SLC44A3: variants seen among roughly 807,000 people sequenced by gnomAD.
The protein encoded by SLC44A3 is choline transporter-like protein 3.
A neutral mutation model predicts 75.4 loss-of-function variants in SLC44A3; 74 were observed. The ratio of observed to expected loss-of-function variants is 0.98; its 90% confidence interval spans 0.81 to 1.19. The LOEUF (loss-of-function observed/expected upper bound fraction) is 1.19. Among genes scored for constraint, SLC44A3 ranks in the 50% most tolerant of loss-of-function variants. The pLI is 0.00. For missense variants in SLC44A3, 700 were observed against 778.6 expected (o/e 0.90, Z 1.20); for synonymous variants, 310 against 296.9 (o/e 1.04, Z -0.45).
At position 94,837,699 on chromosome 1, in the gene SLC44A3, C is replaced by A. The variant is rs1383899180; in HGVS notation, c.510-12C>A. 2.6e-6 allele frequency: 4 copies of A among 1,528,908 alleles called. No individual in the cohort carries two copies. The highest frequency in any genetic ancestry group is 1.8e-4 in the Middle Eastern group (1 of 5,714). 94.7% of individuals were successfully genotyped at this position (1,528,908 alleles called of 1,614,324 possible). On this transcript the variant is annotated splice_polypyrimidine_tract_variant and intron_variant, in intron 5 of 14. Transcript: ENST00000271227. ...ATAAACATTTTTGCCATCTTTTTTT[C>A]TCTATTTTTAGCAAGTCATTTCCCT...
intron 14 of SLC44A3, 54 bp from the exon 15 acceptor site, chr1:94,894,759 CTACGT>C: frequency 7.0e-7 from 1 of 1,437,834 alleles, no homozygotes. Context: ...CCCTCGGCCC[CTACGT>C]TATCAACAGT....
At chr1:94,844,330 C>T (rs184692836) in intron 8 of SLC44A3, among the ~76,000 whole-genome samples, 159 of 152,254 alleles carry the variant, frequency 1.0e-3, no homozygotes, top group African/African-American at 3.6e-3. Flanking sequence ...AGGACATCCA[C>T]GGCCTTGTCA....
intron 9 of SLC44A3, among the ~76,000 whole-genome samples, chr1:94,853,345 G>T (rs147440762): frequency 6.6e-6 from 1 of 152,204 alleles, no homozygotes; most frequent in Non-Finnish European, 1.5e-5. Context: ...AAAAGAATTG[G>T]AAAGAGTAAG....
intron 12 of SLC44A3, among the ~76,000 whole-genome samples, chr1:94,877,683 A>T (rs886071283): frequency 1.1e-4 from 16 of 152,238 alleles, no homozygotes; most frequent in African/African-American, 2.9e-4. Context: ...GGGGCGAAAA[A>T]GTTCCCAAAA....
intron 12 of SLC44A3, among the ~76,000 whole-genome samples, chr1:94,884,927 C>T (rs1236315982): frequency 6.6e-6 from 1 of 152,126 alleles, no homozygotes; most frequent in Middle Eastern, 3.2e-3. Flanking sequence ...TCATTTTCTT[C>T]AATAATTACA....
At chr1:94,832,397 T>C (rs550772481) in intron 5 of SLC44A3, among the ~76,000 whole-genome samples, 2 of 152,278 alleles carry the variant, frequency 1.3e-5, no homozygotes, top group South Asian at 2.1e-4. Context: ...AGTATACTTT[T>C]GCATAAAAAG....
chr1:94,872,244 G>A (rs1021155689), intron 12 of SLC44A3, among the ~76,000 whole-genome samples: 2 of 152,186 alleles, frequency 1.3e-5, no homozygotes, highest in South Asian at 4.2e-4. Flanking sequence ...TGGGATTACA[G>A]GCTTGTCCCA....
intron 12 of SLC44A3, among the ~76,000 whole-genome samples, chr1:94,875,676 T>C (rs1338366127): frequency 6.6e-6 from 1 of 152,092 alleles, no homozygotes; most frequent in African/African-American, 2.4e-5. Context: ...AACATTTGCA[T>C]CCTGGGAAGT....
At chr1:94,869,075 G>C (rs1180346436) in intron 12 of SLC44A3, among the ~76,000 whole-genome samples, 3 of 152,254 alleles carry the variant, frequency 2.0e-5, no homozygotes, top group Non-Finnish European at 4.4e-5. Flanking sequence ...TGTACTGAAG[G>C]TTTCATTTGA....
intron 3 of SLC44A3, among the ~76,000 whole-genome samples, chr1:94,826,993 G>GA (rs1242299053): frequency 1.3e-5 from 2 of 152,212 alleles, no homozygotes; most frequent in African/African-American, 4.8e-5. Context: ...GGAGCTGCAG[G>GA]AGGGTTCTCC....
intron 14 of SLC44A3, 110 bp downstream of exon 14, chr1:94,892,627 G>C (rs7528621): frequency 1.9e-6 from 2 of 1,065,358 alleles, no homozygotes; most frequent in African/African-American, 1.6e-5. Context: ...CTTCTAGAGG[G>C]CTCTGAGGCT....
At chr1:94,894,334 A>G (rs2101701755) in intron 14 of SLC44A3, among the ~76,000 whole-genome samples, 1 of 152,256 alleles carries the variant, frequency 6.6e-6, no homozygotes, top group African/African-American at 2.4e-5. Context: ...CTGTCATCTG[A>G]ATGAAATCCC....
chr1:94,823,774 G>A (rs1251510329), intron 2 of SLC44A3, among the ~76,000 whole-genome samples: 1 of 152,114 alleles, frequency 6.6e-6, no homozygotes, highest in Non-Finnish European at 1.5e-5. Flanking sequence ...ATACAGTACT[G>A]GGAAACTTAC....
chr1:94,832,567 T>C (rs1222559522), intron 5 of SLC44A3, among the ~76,000 whole-genome samples: 1 of 152,238 alleles, frequency 6.6e-6, no homozygotes, highest in Non-Finnish European at 1.5e-5. Context: ...GACTAGTTTT[T>C]TCTGCCCCTG....
At chr1:94,892,540 A>G (rs859063) in intron 14 of SLC44A3, 23 bp downstream of exon 14, 924,056 of 1,605,116 alleles carry the variant, frequency 0.58, 270,378 homozygotes, top group Non-Finnish European at 0.6. Context: ...TTCATTTCCA[A>G]TTGCAATCTC....
intron 10 of SLC44A3, among the ~76,000 whole-genome samples, chr1:94,858,237 G>C (rs17520084): frequency 0.2 from 30,878 of 152,074 alleles, 3,373 homozygotes; most frequent in Middle Eastern, 0.27. Flanking sequence ...GTGAGCCTCA[G>C]TTTGTCCTCT....
chr1:94,888,517 C>A, intron 12 of SLC44A3: 2 of 214,896 alleles, frequency 9.3e-6, no homozygotes, highest in Non-Finnish European at 1.6e-5. Context: ...TTTCCACATC[C>A]CTGCACAAGA....
chr1:94,867,442 G>A, intron 12 of SLC44A3, 25 bp downstream of exon 12: 2 of 1,580,358 alleles, frequency 1.3e-6, no homozygotes, highest in Middle Eastern at 1.7e-4. Flanking sequence ...CTTGCCTCAG[G>A]AACACACAGA....
chr1:94,892,799 A>G (rs1352295314), intron 14 of SLC44A3, among the ~76,000 whole-genome samples: 1 of 152,228 alleles, frequency 6.6e-6, no homozygotes, highest in African/African-American at 2.4e-5. Flanking sequence ...TGGGCAGAAG[A>G]TGTCCTGAAC....
Sources: allele counts gnomAD v4.1 joint callset (sites outside exome capture counted in the v4.1 genomes callset), GRCh38; gene constraint gnomAD v4.1.1; transcripts MANE v1.5; gene names NCBI Gene and HGNC (gene_info 2026-07-23, HGNC 2026-07-21).